CACNA2D3: variants seen among roughly 807,000 people sequenced by gnomAD.
CACNA2D3 encodes calcium voltage-gated channel auxiliary subunit alpha2delta 3.
CACNA2D3 carries 60 observed loss-of-function variants against 160.6 expected under a neutral mutation model. The ratio of observed to expected loss-of-function variants is 0.37; its 90% confidence interval spans 0.30 to 0.46. CACNA2D3 has a LOEUF of 0.46. Among genes scored for constraint, CACNA2D3 ranks in the 20% least tolerant of loss-of-function variants. The pLI, the probability that CACNA2D3 is intolerant of heterozygous loss-of-function variation, is 1.00. For missense variants in CACNA2D3, 1,205 were observed against 1,365.0 expected, an observed-to-expected ratio of 0.88 and a Z score of 1.85; for synonymous variants, 558 against 492.9, an observed-to-expected ratio of 1.13 and a Z score of -1.75.
intron 27 of CACNA2D3, among the ~76,000 whole-genome samples, chr3:54,954,729 T>A: frequency 6.6e-6 from 1 of 152,178 alleles, no homozygotes; most frequent in Admixed American, 6.5e-5. Flanking sequence ...AAATCCAGAA[T>A]CTGCTTCTTT....
intron 14 of CACNA2D3, among the ~76,000 whole-genome samples, chr3:54,827,692 G>A (rs544011221): frequency 1.3e-5 from 2 of 152,322 alleles, no homozygotes; most frequent in Non-Finnish European, 2.9e-5. Flanking sequence ...AGGAGAGACT[G>A]TATAATGTGA....
chr3:54,637,918 G>T (rs2031652750), intron 10 of CACNA2D3: 1 of 152,104 alleles, frequency 6.6e-6, no homozygotes, highest in Admixed American at 6.5e-5. Context: ...CCTTGGCCCA[G>T]TGGCCAGATT....
At chr3:55,013,128 G>A (rs1703247025) in intron 34 of CACNA2D3, among the ~76,000 whole-genome samples, 1 of 152,160 alleles carries the variant, frequency 6.6e-6, no homozygotes. Context: ...TTGATGCATG[G>A]TGTGCTGATA....
chr3:54,602,384 G>C (rs965753765), intron 9 of CACNA2D3, among the ~76,000 whole-genome samples: 3 of 151,128 alleles, frequency 2.0e-5, no homozygotes, highest in Non-Finnish European at 2.9e-5. Context: ...TGTAGTCCCA[G>C]CTACTCGGGA....
At chr3:54,253,567 C>A (rs1702236797) in intron 2 of CACNA2D3, among the ~76,000 whole-genome samples, 1 of 152,124 alleles carries the variant, frequency 6.6e-6, no homozygotes, top group South Asian at 2.1e-4. Context: ...TCCACCAGGG[C>A]CCACCTCCAA....
intron 4 of CACNA2D3, among the ~76,000 whole-genome samples, chr3:54,483,672 A>G (rs1700969702): frequency 6.6e-6 from 1 of 152,214 alleles, no homozygotes; most frequent in South Asian, 2.1e-4. Context: ...TGAGAGAGAA[A>G]AATATCACAG....
intron 27 of CACNA2D3, among the ~76,000 whole-genome samples, chr3:54,964,838 G>C (rs766203250): frequency 2.3e-4 from 34 of 150,608 alleles, no homozygotes; most frequent in Non-Finnish European, 3.8e-4. Context: ...TTGTTGCCTT[G>C]TTTTTTGCAC....
chr3:54,647,937 C>G (rs372727089), intron 11 of CACNA2D3, among the ~76,000 whole-genome samples: 3 of 152,204 alleles, frequency 2.0e-5, no homozygotes, highest in African/African-American at 7.2e-5. Context: ...CTCTTACACA[C>G]TTGGAATAAA....
At chr3:54,872,171 G>C (rs1699550115) in intron 18 of CACNA2D3, among the ~76,000 whole-genome samples, 1 of 152,144 alleles carries the variant, frequency 6.6e-6, no homozygotes, top group South Asian at 2.1e-4. Flanking sequence ...TGGCCTTGCT[G>C]CAATTGCACC....
chr3:54,959,338 T>C (rs1355850297), intron 27 of CACNA2D3, among the ~76,000 whole-genome samples: 2 of 152,160 alleles, frequency 1.3e-5, no homozygotes, highest in African/African-American at 4.8e-5. Flanking sequence ...GGGAGCTGGG[T>C]GTGCTTGGGC....
chr3:54,291,298 G>A (rs59709612), intron 2 of CACNA2D3, among the ~76,000 whole-genome samples: 31,115 of 152,124 alleles, frequency 0.2, 3,342 homozygotes, highest in East Asian at 0.25. Flanking sequence ...AGCAGTTGCA[G>A]GAATGATTAA....
intron 9 of CACNA2D3, among the ~76,000 whole-genome samples, chr3:54,599,067 G>A (rs1703015647): frequency 2.0e-5 from 3 of 152,104 alleles, no homozygotes; most frequent in South Asian, 2.1e-4. Context: ...TTTTAAAATC[G>A]CGCCCTATTG....
At chr3:54,612,012 C>G (rs1157314373) in intron 9 of CACNA2D3, among the ~76,000 whole-genome samples, 4 of 152,172 alleles carry the variant, frequency 2.6e-5, no homozygotes, top group Non-Finnish European at 5.9e-5. Flanking sequence ...ATGCCAATGC[C>G]CCCATGGTCT....
intron 2 of CACNA2D3, among the ~76,000 whole-genome samples, chr3:54,243,424 C>A (rs1401140391): frequency 6.6e-6 from 1 of 152,186 alleles, no homozygotes; most frequent in Non-Finnish European, 1.5e-5. Context: ...CTTAGCTATT[C>A]ATGACTTTCC....
At chr3:54,409,577 G>A (rs773330288) in intron 4 of CACNA2D3, among the ~76,000 whole-genome samples, 12 of 152,206 alleles carry the variant, frequency 7.9e-5, no homozygotes, top group Non-Finnish European at 1.3e-4. Context: ...CATGTTGAAA[G>A]CAGAGATGGG....
intron 4 of CACNA2D3, among the ~76,000 whole-genome samples, chr3:54,476,484 C>A (rs1027317275): frequency 6.6e-6 from 1 of 152,104 alleles, no homozygotes; most frequent in Non-Finnish European, 1.5e-5. Context: ...AACCACCACA[C>A]TGTTTTCCAT....
intron 5 of CACNA2D3, among the ~76,000 whole-genome samples, chr3:54,518,363 G>A (rs1186088289): frequency 7.2e-5 from 11 of 152,146 alleles, no homozygotes; most frequent in Admixed American, 2.0e-4. Flanking sequence ...GGGAAGTGAG[G>A]GGTGAGGAAG....
At chr3:54,221,637 G>T (rs1701574263) in intron 2 of CACNA2D3, among the ~76,000 whole-genome samples, 1 of 152,082 alleles carries the variant, frequency 6.6e-6, no homozygotes, top group South Asian at 2.1e-4. Context: ...AAATTCCCAT[G>T]CCAGTACCCA....
intron 10 of CACNA2D3, among the ~76,000 whole-genome samples, chr3:54,637,416 CA>C (rs1185671649): frequency 6.6e-6 from 1 of 151,726 alleles, no homozygotes; most frequent in Non-Finnish European, 1.5e-5. Context: ...AGCTGTAGTC[CA>C]GGAATAGTCA....
Sources: allele counts gnomAD v4.1 joint callset (sites outside exome capture counted in the v4.1 genomes callset), GRCh38; gene constraint gnomAD v4.1.1; transcripts MANE v1.5; gene names NCBI Gene and HGNC (gene_info 2026-07-23, HGNC 2026-07-21).